RAPGEF5: variants seen among roughly 807,000 people sequenced by gnomAD.
RAPGEF5 encodes the protein M-Ras-regulated GEF.
RAPGEF5 carries 65 observed loss-of-function variants against 125.2 expected under a neutral mutation model. The observed-to-expected ratio is 0.52, with a 90% CI of 0.43 to 0.64. The LOEUF is 0.64. Among genes scored for constraint, RAPGEF5 ranks in the 30% least tolerant of loss-of-function variants. The pLI is 0.00. For missense variants in RAPGEF5, 958 were observed against 1,048.1 expected (o/e 0.91, Z 1.19); for synonymous variants, 391 against 385.9 (o/e 1.01, Z -0.16).
At chr7:22,267,043 T>G in intron 6 of RAPGEF5, 31 bp from the exon 7 acceptor site, 1 of 1,568,290 alleles carries the variant, frequency 6.4e-7, no homozygotes, top group Non-Finnish European at 8.7e-7. Context: ...AAAATCAAAT[T>G]AGAAGAAGAA....
intron 1 of RAPGEF5, among the ~76,000 whole-genome samples, chr7:22,344,826 T>C (rs1784193003): frequency 6.6e-6 from 1 of 152,216 alleles, no homozygotes; most frequent in African/African-American, 2.4e-5. Context: ...AAATTATTCA[T>C]TCAATAAAGT....
chr7:22,281,889 T>C (rs530851795), intron 6 of RAPGEF5, among the ~76,000 whole-genome samples: 8 of 152,362 alleles, frequency 5.3e-5, no homozygotes, highest in African/African-American at 1.9e-4. Context: ...TCTGCAATTC[T>C]AGACCTTAGT....
intron 15 of RAPGEF5, 79 bp from the exon 16 acceptor site, chr7:22,156,967 C>T: frequency 1.3e-6 from 2 of 1,557,736 alleles, no homozygotes; most frequent in Non-Finnish European, 8.7e-7. Flanking sequence ...CAATATGTTC[C>T]AAAAGAACTA....
chr7:22,123,629 G>A (rs1782650583), intron 25 of RAPGEF5, among the ~76,000 whole-genome samples: 1 of 152,130 alleles, frequency 6.6e-6, no homozygotes, highest in African/African-American at 2.4e-5. Context: ...GACATGGGTG[G>A]CTTATAATTC....
intron 1 of RAPGEF5, among the ~76,000 whole-genome samples, chr7:22,341,385 G>T (rs1326628393): frequency 6.6e-6 from 1 of 152,074 alleles, no homozygotes; most frequent in Admixed American, 6.5e-5. Context: ...ATTTGGGTGG[G>T]GACACAGCCA....
intron 6 of RAPGEF5, among the ~76,000 whole-genome samples, chr7:22,281,508 C>G (rs1278381580): frequency 6.6e-6 from 1 of 152,194 alleles, no homozygotes; most frequent in African/African-American, 2.4e-5. Context: ...CACACTGCAC[C>G]TGGTGAAGAA....
chr7:22,307,483 T>C (rs1373138361), intron 5 of RAPGEF5, among the ~76,000 whole-genome samples: 1 of 152,050 alleles, frequency 6.6e-6, no homozygotes, highest in Non-Finnish European at 1.5e-5. Context: ...AGTTGTTAAA[T>C]TAGGGTCACT....
At chr7:22,190,942 C>G (rs180864699) in intron 11 of RAPGEF5, among the ~76,000 whole-genome samples, 2 of 152,162 alleles carry the variant, frequency 1.3e-5, no homozygotes, top group Admixed American at 1.3e-4. Context: ...GCTCCATCTC[C>G]GTAAAAGGGG....
intron 14 of RAPGEF5, among the ~76,000 whole-genome samples, 183 bp from the exon 15 acceptor site, chr7:22,158,068 A>G (rs1783869146): frequency 6.6e-6 from 1 of 152,250 alleles, no homozygotes; most frequent in South Asian, 2.1e-4. Context: ...ATTTCAAATG[A>G]GCCAGGAAGT....
chr7:22,343,442 T>G (rs1253344291), intron 1 of RAPGEF5, among the ~76,000 whole-genome samples: 1 of 152,226 alleles, frequency 6.6e-6, no homozygotes, highest in Non-Finnish European at 1.5e-5. Context: ...AATTTGAGAT[T>G]GGGGGCTTGT....
chr7:22,235,954 T>C (rs1182317628), intron 7 of RAPGEF5, among the ~76,000 whole-genome samples: 2 of 152,224 alleles, frequency 1.3e-5, no homozygotes, highest in African/African-American at 4.8e-5. Context: ...CACTGTATTT[T>C]TTTAGTGTTA....
chr7:22,329,178 G>T (rs561951610), intron 1 of RAPGEF5, among the ~76,000 whole-genome samples: 1 of 152,250 alleles, frequency 6.6e-6, no homozygotes, highest in Non-Finnish European at 1.5e-5. Context: ...CACTCTTTCT[G>T]CTTTCAATCT....
intron 7 of RAPGEF5, among the ~76,000 whole-genome samples, chr7:22,248,131 A>G (rs562085450): frequency 6.8e-4 from 103 of 152,046 alleles, no homozygotes; most frequent in African/African-American, 2.1e-3. Flanking sequence ...TAAAGTTGAA[A>G]TTTTTTTTTA....
At chr7:22,167,712 G>A (rs976195753) in intron 11 of RAPGEF5, among the ~76,000 whole-genome samples, 3 of 152,180 alleles carry the variant, frequency 2.0e-5, no homozygotes, top group Non-Finnish European at 4.4e-5. Context: ...TCTTAGTCTT[G>A]AAGAGAGACA....
intron 5 of RAPGEF5, among the ~76,000 whole-genome samples, chr7:22,299,833 T>C (rs1381394570): frequency 6.6e-6 from 1 of 152,016 alleles, no homozygotes. Context: ...CTCCATGGTT[T>C]CTAACATAAA....
intron 5 of RAPGEF5, among the ~76,000 whole-genome samples, chr7:22,301,307 G>C (rs1021391036): frequency 6.6e-6 from 1 of 151,988 alleles, no homozygotes; most frequent in African/African-American, 2.4e-5. Context: ...AAAAAGTCAA[G>C]GTTTGCAGCA....
At chr7:22,255,143 C>T (rs1786724857) in intron 7 of RAPGEF5, among the ~76,000 whole-genome samples, 1 of 152,086 alleles carries the variant, frequency 6.6e-6, no homozygotes, top group South Asian at 2.1e-4. Flanking sequence ...AGCTTGAATA[C>T]AGGATTATAA....
At chr7:22,146,461 A>T (rs940575738) in intron 19 of RAPGEF5, among the ~76,000 whole-genome samples, 4 of 152,238 alleles carry the variant, frequency 2.6e-5, no homozygotes, top group Non-Finnish European at 4.4e-5. Context: ...TTGAAGTCTT[A>T]CAATGCAGTC....
intron 1 of RAPGEF5, among the ~76,000 whole-genome samples, chr7:22,327,710 G>T (rs1413257952): frequency 1.3e-5 from 2 of 152,224 alleles, no homozygotes; most frequent in East Asian, 3.8e-4. Context: ...TTAAATGAGT[G>T]AAATAAAATC....
Sources: gnomAD v4.1 joint callset for allele counts (sites outside exome capture counted in the v4.1 genomes callset) on GRCh38, gnomAD v4.1.1 for gene constraint, MANE v1.5 for transcripts, NCBI Gene and HGNC (gene_info 2026-07-23, HGNC 2026-07-21) for gene names.